The following RPSA2 variants were observed in gnomAD, a reference collection of about 807,000 sequenced individuals.
RPSA2 encodes the protein ribosomal protein SA 2.
chr19:23,832,160 CAT>C, the RPSA2 span: 1 of 415,418 alleles, frequency 2.4e-6, no homozygotes, highest in Non-Finnish European at 4.8e-6. Context: ...TGTGGCAAAG[CAT>C]TTTGCCAGCC....
At chr19:23,787,205 TCTG>T in the RPSA2 span, among the ~76,000 whole-genome samples, 2 of 152,146 alleles carry the variant, frequency 1.3e-5, no homozygotes, top group Admixed American at 6.5e-5. Flanking sequence ...TTGTGACTCT[TCTG>T]CCTGTGATTT....
At chr19:23,840,958 G>A in the RPSA2 span, among the ~76,000 whole-genome samples, 3 of 39,492 alleles carry the variant, frequency 7.6e-5, no homozygotes, top group South Asian at 1.7e-3. Context: ...ACAAAACTCC[G>A]TCTCAAAAAA....
At chr19:23,867,749 G>A in the RPSA2 span, among the ~76,000 whole-genome samples, 1 of 150,632 alleles carries the variant, frequency 6.6e-6, no homozygotes, top group Admixed American at 6.7e-5. Flanking sequence ...AGAATGGCGT[G>A]AACCCGGGAG....
chr19:23,775,606 A>T, the RPSA2 span, among the ~76,000 whole-genome samples: 1 of 152,248 alleles, frequency 6.6e-6, no homozygotes, highest in Admixed American at 6.5e-5. Context: ...ATCTTTTCAC[A>T]TGAACACAGT....
the RPSA2 span, among the ~76,000 whole-genome samples, chr19:23,774,716 C>G: frequency 6.6e-6 from 1 of 152,084 alleles, no homozygotes; most frequent in Non-Finnish European, 1.5e-5. Flanking sequence ...TTTCTTCTGC[C>G]TGAGCTTTGC....
chr19:23,846,290 A>G, the RPSA2 span, among the ~76,000 whole-genome samples: 1 of 148,058 alleles, frequency 6.8e-6, no homozygotes, highest in South Asian at 2.2e-4. Flanking sequence ...CATTTCAATG[A>G]AGGTTTTAAT....
chr19:23,809,677 A>G, the RPSA2 span, among the ~76,000 whole-genome samples: 4 of 149,682 alleles, frequency 2.7e-5, no homozygotes, highest in Admixed American at 6.6e-5. Flanking sequence ...TGGAACCATA[A>G]CTTATACTTG....
the RPSA2 span, among the ~76,000 whole-genome samples, chr19:23,846,631 C>T: frequency 6.6e-6 from 1 of 152,148 alleles, no homozygotes; most frequent in Admixed American, 6.5e-5. Flanking sequence ...GTTAATCTAG[C>T]TTGATGTAAA....
At chr19:23,854,971 G>A in the RPSA2 span, among the ~76,000 whole-genome samples, 149,002 of 152,326 alleles carry the variant, frequency 0.98, 72,969 homozygotes, top group Middle Eastern at 1. Flanking sequence ...TACCTTGAGC[G>A]TGCTCATCAG....
the RPSA2 span, chr19:23,827,116 G>A: frequency 2.4e-4 from 179 of 753,272 alleles, no homozygotes; most frequent in African/African-American, 2.3e-3. Flanking sequence ...GGGTCCATAC[G>A]GCGTTGTTCT....
chr19:23,825,990 T>C, the RPSA2 span, among the ~76,000 whole-genome samples: 1 of 149,046 alleles, frequency 6.7e-6, no homozygotes, highest in Admixed American at 6.7e-5. Context: ...AAAACTATCA[T>C]AACTCTGTAT....
At chr19:23,804,820 A>G in the RPSA2 span, among the ~76,000 whole-genome samples, 1 of 152,166 alleles carries the variant, frequency 6.6e-6, no homozygotes. Flanking sequence ...TTAGAATCAC[A>G]TGGCCAATTT....
At chr19:23,759,090 C>T in the RPSA2 span, among the ~76,000 whole-genome samples, 1 of 152,166 alleles carries the variant, frequency 6.6e-6, no homozygotes, top group Non-Finnish European at 1.5e-5. Flanking sequence ...AGGGCTCCCT[C>T]CCTGAGCTAA....
chr19:23,761,020 TATATATACACATATATATAGG>T, the RPSA2 span, among the ~76,000 whole-genome samples: 1 of 113,500 alleles, frequency 8.8e-6, no homozygotes, highest in Admixed American at 1.2e-4. Context: ...TGTGTGTATA[TATATATACACATATATATAGG>T]GTATATATGT....
the RPSA2 span, among the ~76,000 whole-genome samples, chr19:23,780,295 A>G: frequency 6.6e-6 from 1 of 152,140 alleles, no homozygotes; most frequent in Non-Finnish European, 1.5e-5. Context: ...TCACACATGG[A>G]AAAGCCCACC....
the RPSA2 span, among the ~76,000 whole-genome samples, chr19:23,787,495 G>A: frequency 1.3e-5 from 2 of 151,934 alleles, no homozygotes; most frequent in Non-Finnish European, 2.9e-5. Flanking sequence ...TGTAGTCCCA[G>A]CTACTCAAGA....
At chr19:23,854,796 C>T in the RPSA2 span, among the ~76,000 whole-genome samples, 4 of 152,174 alleles carry the variant, frequency 2.6e-5, no homozygotes, top group Non-Finnish European at 5.9e-5. Context: ...TCCTTCGTGG[C>T]CCATGCCCAC....
the RPSA2 span, chr19:23,808,684 A>G: frequency 1.7e-6 from 1 of 574,410 alleles, no homozygotes; most frequent in Non-Finnish European, 3.2e-6. Flanking sequence ...GGAGAATATG[A>G]GCAAGATTCA....
the RPSA2 span, among the ~76,000 whole-genome samples, chr19:23,824,907 TTTC>T: frequency 3.9e-5 from 6 of 152,028 alleles, no homozygotes; most frequent in East Asian, 1.2e-3. Context: ...TTTTCTTCAT[TTTC>T]TTCTTCTAAG....
Sources: allele counts gnomAD v4.1 joint callset (sites outside exome capture counted in the v4.1 genomes callset), GRCh38; gene constraint gnomAD v4.1.1; transcripts MANE v1.5; gene names NCBI Gene and HGNC (gene_info 2026-07-23, HGNC 2026-07-21).